MTRR: variants seen among roughly 807,000 people sequenced by gnomAD.
The protein encoded by MTRR is 5-methyltetrahydrofolate-homocysteine methyltransferase reductase.
Under a neutral mutation model 79.2 loss-of-function variants are expected in MTRR, and 63 were observed. That is an observed-to-expected ratio of 0.80 (90% CI 0.65 to 0.98). The LOEUF is 0.98. Ranked by LOEUF, MTRR falls within the 50% of genes least tolerant of loss-of-function variation. MTRR has a pLI of 0.00. For missense variants in MTRR, 895 were observed against 839.6 expected (o/e 1.07, Z -0.82); for synonymous variants, 355 against 313.3 (o/e 1.13, Z -1.41).
At chr5:7,877,823 C>T in intron 4 of MTRR, 121 bp from the exon 5 acceptor site, 1 of 1,339,812 alleles carries the variant, frequency 7.5e-7, no homozygotes, top group South Asian at 1.2e-5. Context: ...TCCGAATGGT[C>T]TTCATAGTGT....
At chr5:7,891,538 C>A (rs2126786551) in intron 10 of MTRR, 124 bp downstream of exon 10, 1 of 768,516 alleles carries the variant, frequency 1.3e-6, no homozygotes, top group Non-Finnish European at 2.3e-6. Flanking sequence ...GAAGACAGTA[C>A]CAGGCATAAT....
chr5:7,868,049 C>T (rs754653963), upstream of MTRR: 1 of 1,612,080 alleles, frequency 6.2e-7, no homozygotes, highest in Non-Finnish European at 8.5e-7. Flanking sequence ...ATCAGATAAA[C>T]GATAAAGGTT....
In MTRR at chr5:7,900,846, T is replaced by C. The variant is rs1739362523; in HGVS notation, c.*788T>C. On this transcript the variant is annotated 3_prime_UTR_variant, in exon 15 of 15. Transcript: ENST00000440940. ...TTTATTTCTGCTGCTTGGCACATTT[T>C]TGAGTTTTCCCACATTATTTGTCTC... The C allele has an allele frequency of 6.7e-6, 1 of 149,506 alleles. No homozygotes were observed. Among genetic ancestry groups the C allele is most frequent in the African/African-American group, 2.5e-5 (1 of 40,612 alleles). 9.3% of individuals were successfully genotyped at this position (149,506 alleles called of 1,614,324 possible). A position where few individuals can be genotyped will look rare whatever the true frequency, so the allele number is the denominator to read the frequency against.
intron 5 of MTRR, among the ~76,000 whole-genome samples, chr5:7,881,145 A>G (rs915091235): frequency 6.6e-6 from 1 of 152,068 alleles, no homozygotes; most frequent in Non-Finnish European, 1.5e-5. Flanking sequence ...GGATTGATCC[A>G]GTGCCTTTGT....
intron 1 of MTRR, chr5:7,861,101 G>A: frequency 9.1e-7 from 1 of 1,100,118 alleles, no homozygotes; most frequent in South Asian, 1.5e-5. Context: ...AAATAATTTT[G>A]AAATAGGATT....
At chr5:7,893,036 A>G in intron 11 of MTRR, 123 bp downstream of exon 11, 1 of 1,184,342 alleles carries the variant, frequency 8.4e-7, no homozygotes, top group South Asian at 1.4e-5. Flanking sequence ...CTGTTCTTGA[A>G]TTTTAAAATC....
At chr5:7,855,132 G>C (rs1746202379) in intron 1 of MTRR, among the ~76,000 whole-genome samples, 1 of 152,174 alleles carries the variant, frequency 6.6e-6, no homozygotes, top group African/African-American at 2.4e-5. Context: ...GTAGCAGTTA[G>C]AGACATAAGA....
upstream of MTRR, among the ~76,000 whole-genome samples, chr5:7,866,328 A>C (rs1281178431): frequency 6.6e-6 from 1 of 150,656 alleles, no homozygotes; most frequent in Admixed American, 6.6e-5. Flanking sequence ...AAAAAAAAAA[A>C]GATACAGTTG....
In MTRR at chr5:7,889,124, CAGTG is replaced by C; in HGVS notation, c.1178_1181del (p.Ser393ThrfsTer148). On this transcript the variant is annotated frameshift_variant, in exon 9 of 15. Coordinates refer to ENST00000440940, the MANE Select transcript of MTRR (RefSeq NM_002454.3). LOFTEE classifies it high-confidence loss of function. ...TTTTGCGAGCCCTTGTGGACTATAC[CAGTG>C]ACAGTGCTGAAAAGCGCAGGCTACA... The C allele has an allele frequency of 6.2e-7, 1 of 1,614,098 alleles. No individual in the cohort carries two copies. The highest frequency in any genetic ancestry group is 8.5e-7 in the Non-Finnish European group (1 of 1,179,984).
chr5:7,882,348 C>T (rs1006810721), intron 5 of MTRR, among the ~76,000 whole-genome samples: 1 of 152,174 alleles, frequency 6.6e-6, no homozygotes, highest in African/African-American at 2.4e-5. Context: ...GTGTTTCTTT[C>T]AGGTGGCAGA....
chr5:7,869,366 C>G, intron 1 of MTRR, 151 bp downstream of exon 1: 1 of 816,826 alleles, frequency 1.2e-6, no homozygotes, highest in Non-Finnish European at 1.9e-6. Flanking sequence ...CGGGCGCGGG[C>G]TGGGGCTCGG....
At chr5:7,896,578 T>C (rs144508921) in intron 12 of MTRR, 15 of 473,748 alleles carry the variant, frequency 3.2e-5, no homozygotes, top group African/African-American at 2.3e-4. Flanking sequence ...TTAATGTTAT[T>C]GAATGTAGAG....
chr5:7,858,205 GAT>G (rs1167258669), intron 1 of MTRR, among the ~76,000 whole-genome samples: 1 of 152,180 alleles, frequency 6.6e-6, no homozygotes, highest in Non-Finnish European at 1.5e-5. Flanking sequence ...CACAGGACTG[GAT>G]ATTAGCTGCA....
At chr5:7,863,783 A>G (rs1489298305) in intron 2 of MTRR, among the ~76,000 whole-genome samples, 1 of 152,210 alleles carries the variant, frequency 6.6e-6, no homozygotes, top group Non-Finnish European at 1.5e-5. Flanking sequence ...CATGCTGACT[A>G]TAGTTAATAA....
At chr5:7,866,307 T>C (rs1265540173), upstream of MTRR, among the ~76,000 whole-genome samples, 11 of 100,714 alleles carry the variant, frequency 1.1e-4, no homozygotes, top group South Asian at 3.6e-4. Context: ...AATAATACCA[T>C]CCTCTCAAAA....
chr5:7,897,068 A>G lies in MTRR; in HGVS notation c.1773A>G (p.Lys591=), dbSNP rs760394620. ...RHKDRDYLFR[K]ELRHFLKHGI... Reference sequence around the variant, plus strand: ...TCCATTATATATTATATTTCAGAAAAGAGCTCAGACATTTCCTTAAGCATG... The same window carrying G: ...TCCATTATATATTATATTTCAGAAAGGAGCTCAGACATTTCCTTAAGCATG... Residue 591 remains lysine, a synonymous_variant, in exon 14 of 15, where the codon AAA becomes AAG. Coordinates refer to ENST00000440940, the MANE Select transcript of MTRR (RefSeq NM_002454.3). 7 of 1,613,932 alleles carry G rather than the reference A, an allele frequency of 4.3e-6. No homozygotes were observed. The Admixed American group carries it at 1.2e-4, about 27-fold the overall frequency.
intron 5 of MTRR, among the ~76,000 whole-genome samples, chr5:7,881,434 G>A (rs1229376334): frequency 6.6e-6 from 1 of 152,014 alleles, no homozygotes; most frequent in African/African-American, 2.4e-5. Context: ...ATCCAGATGC[G>A]AGAAGGGAGT....
chr5:7,895,917 A>G, intron 12 of MTRR, 65 bp downstream of exon 12: 1 of 1,597,616 alleles, frequency 6.3e-7, no homozygotes, highest in Non-Finnish European at 8.6e-7. Flanking sequence ...TTCTTTAGTC[A>G]TTTTGAGGAT....
chr5:7,874,381 A>G (rs961829690), intron 3 of MTRR, among the ~76,000 whole-genome samples: 1 of 149,544 alleles, frequency 6.7e-6, no homozygotes, highest in Non-Finnish European at 1.5e-5. Context: ...ATTTCACAGT[A>G]TTTATAATTT....
Sources: allele counts gnomAD v4.1 joint callset (sites outside exome capture counted in the v4.1 genomes callset), GRCh38; gene constraint gnomAD v4.1.1; transcripts MANE v1.5; gene names NCBI Gene and HGNC (gene_info 2026-07-23, HGNC 2026-07-21).